RAB38: variants seen among roughly 807,000 people sequenced by gnomAD.
RAB38 encodes the protein RAB38, member RAS oncogene family, also known as ras-related protein Rab-38.
RAB38 carries 15 observed loss-of-function variants against 18.4 expected under a neutral mutation model. The ratio of observed to expected loss-of-function variants is 0.82; its 90% CI spans 0.55 to 1.26. The LOEUF is 1.26. RAB38 is among the 50% of genes most tolerant of loss of function. The pLI is 0.00. For missense variants in RAB38, 294 were observed against 267.4 expected, an observed-to-expected ratio of 1.10 and a Z score of -0.69; for synonymous variants, 101 against 104.4, an observed-to-expected ratio of 0.97 and a Z score of 0.20.
At chr11:87,865,012 T>C in the RAB38 span, among the ~76,000 whole-genome samples, 2 of 151,760 alleles carry the variant, frequency 1.3e-5, no homozygotes, top group East Asian at 1.9e-4. Flanking sequence ...GCGATTTGTT[T>C]GACAAAATGA....
At chr11:87,886,361 G>T in the RAB38 span, among the ~76,000 whole-genome samples, 2 of 151,838 alleles carry the variant, frequency 1.3e-5, no homozygotes, top group African/African-American at 2.4e-5. Context: ...GAGAGAGAGA[G>T]ATCTAACTTT....
chr11:87,961,982 T>C, the RAB38 span, among the ~76,000 whole-genome samples: 2 of 152,192 alleles, frequency 1.3e-5, no homozygotes, highest in African/African-American at 2.4e-5. Flanking sequence ...AGCTTTCATA[T>C]TGGTCATGGT....
chr11:87,881,892 A>T, the RAB38 span, among the ~76,000 whole-genome samples: 1 of 151,864 alleles, frequency 6.6e-6, no homozygotes, highest in African/African-American at 2.4e-5. Flanking sequence ...CTGATGCTCA[A>T]TGAGCAAAGG....
the RAB38 span, among the ~76,000 whole-genome samples, chr11:88,036,098 T>C: frequency 6.6e-6 from 1 of 152,196 alleles, no homozygotes; most frequent in Non-Finnish European, 1.5e-5. Flanking sequence ...AGATTATGAT[T>C]ATTGTTAATA....
the RAB38 span, among the ~76,000 whole-genome samples, chr11:87,871,247 A>T: frequency 6.6e-6 from 1 of 151,660 alleles, no homozygotes; most frequent in Non-Finnish European, 1.5e-5. Flanking sequence ...ATTCCAGAGC[A>T]ACAGACTGTG....
the RAB38 span, among the ~76,000 whole-genome samples, chr11:87,914,241 A>G: frequency 2.0e-5 from 3 of 152,150 alleles, no homozygotes; most frequent in Non-Finnish European, 4.4e-5. Flanking sequence ...CTGTGACCAA[A>G]ACATTGATAG....
At chr11:88,029,285 G>A in the RAB38 span, among the ~76,000 whole-genome samples, 1 of 151,946 alleles carries the variant, frequency 6.6e-6, no homozygotes, top group African/African-American at 2.4e-5. Flanking sequence ...ATGCCAAAAT[G>A]TAAAGACCAT....
the RAB38 span, among the ~76,000 whole-genome samples, chr11:87,905,961 C>A: frequency 6.6e-6 from 1 of 151,984 alleles, no homozygotes; most frequent in Non-Finnish European, 1.5e-5. Context: ...AGCTCAGATA[C>A]CTGTGTGCCT....
At chr11:87,967,704 A>G in the RAB38 span, among the ~76,000 whole-genome samples, 4 of 152,198 alleles carry the variant, frequency 2.6e-5, no homozygotes, top group African/African-American at 9.6e-5. Context: ...CCTATCAAGC[A>G]GTCCTCTCCA....
At chr11:88,016,732 TAAAGAG>T in the RAB38 span, among the ~76,000 whole-genome samples, 1 of 152,050 alleles carries the variant, frequency 6.6e-6, no homozygotes, top group East Asian at 1.9e-4. Flanking sequence ...TCAAGCAGAA[TAAAGAG>T]AAACTTAAAC....
the RAB38 span, among the ~76,000 whole-genome samples, chr11:88,088,547 G>A: frequency 6.6e-6 from 1 of 151,830 alleles, no homozygotes; most frequent in Non-Finnish European, 1.5e-5. Flanking sequence ...TTTCATTTGT[G>A]GGTAAGGGCA....
chr11:87,964,001 A>C, the RAB38 span, among the ~76,000 whole-genome samples: 2 of 152,150 alleles, frequency 1.3e-5, no homozygotes, highest in African/African-American at 2.4e-5. Context: ...GTTTGGAGAT[A>C]AGGGAAAAAC....
At chr11:87,855,970 C>T in the RAB38 span, among the ~76,000 whole-genome samples, 4 of 152,130 alleles carry the variant, frequency 2.6e-5, no homozygotes, top group Non-Finnish European at 5.9e-5. Context: ...ACATTTAGTT[C>T]GGTGTTCCTT....
intron 1 of RAB38, among the ~76,000 whole-genome samples, chr11:88,154,377 G>A (rs972469360): frequency 1.3e-5 from 2 of 152,304 alleles, no homozygotes; most frequent in African/African-American, 4.8e-5. Flanking sequence ...TGCTAGAAGT[G>A]TGTTCTCCTC....
chr11:88,034,615 A>ATCATGTGCTTATTTGCCATCTGTATATCC, the RAB38 span, among the ~76,000 whole-genome samples: 1 of 152,232 alleles, frequency 6.6e-6, no homozygotes, highest in Non-Finnish European at 1.5e-5. Context: ...TGAACATATT[A>ATCATGTGCTTATTTGCCATCTGTATATCC]TCATGTGCTT....
At chr11:88,125,447 T>A (rs1182598135) in intron 2 of RAB38, among the ~76,000 whole-genome samples, 1 of 152,228 alleles carries the variant, frequency 6.6e-6, no homozygotes, top group Non-Finnish European at 1.5e-5. Flanking sequence ...ATTGACATTC[T>A]CCTTTGAATT....
intron 2 of RAB38, among the ~76,000 whole-genome samples, chr11:88,121,922 T>C (rs546641607): frequency 6.6e-6 from 1 of 152,350 alleles, no homozygotes; most frequent in East Asian, 1.9e-4. Context: ...TGAGGACCCA[T>C]GTTTTCTAAG....
the RAB38 span, among the ~76,000 whole-genome samples, chr11:87,906,737 C>A: frequency 1.3e-5 from 2 of 151,810 alleles, no homozygotes; most frequent in East Asian, 3.9e-4. Flanking sequence ...CAAAATTTTG[C>A]CATGGCTGTA....
chr11:87,852,712 C>T, the RAB38 span, among the ~76,000 whole-genome samples: 2 of 152,064 alleles, frequency 1.3e-5, no homozygotes, highest in Admixed American at 6.6e-5. Context: ...GCTAGAAATA[C>T]GATGGTTTAC....
Sources: gnomAD v4.1 joint callset for allele counts (sites outside exome capture counted in the v4.1 genomes callset) on GRCh38, gnomAD v4.1.1 for gene constraint, MANE v1.5 for transcripts, NCBI Gene and HGNC (gene_info 2026-07-23, HGNC 2026-07-21) for gene names.